The following SOX6 variants were observed in gnomAD, a reference collection of about 807,000 sequenced individuals.
SOX6 encodes transcription factor SOX-6.
SOX6 carries 11 observed loss-of-function variants against 97.8 expected under a neutral mutation model. That is an observed-to-expected ratio of 0.11 (90% CI 0.07 to 0.19). The LOEUF is 0.19. SOX6 is among the 10% of genes least tolerant of loss of function. The pLI is 1.00. For synonymous variants in SOX6, 360 were observed against 371.4 expected, an observed-to-expected ratio of 0.97 and a Z score of 0.35; for missense variants, 810 against 1,039.5, an observed-to-expected ratio of 0.78 and a Z score of 3.04.
intron 4 of SOX6, among the ~76,000 whole-genome samples, chr11:16,207,428 C>A (rs553867579): frequency 6.6e-6 from 1 of 151,678 alleles, no homozygotes; most frequent in Non-Finnish European, 1.5e-5. Context: ...CGGTGAAACC[C>A]CATCAAAATA....
chr11:16,364,267 T>C (rs1857287733), intron 1 of SOX6, among the ~76,000 whole-genome samples: 1 of 152,242 alleles, frequency 6.6e-6, no homozygotes, highest in Non-Finnish European at 1.5e-5. Flanking sequence ...AACATTCTTT[T>C]ACCAGAAAAA....
At chr11:16,268,338 G>T (rs1854144729) in intron 3 of SOX6, among the ~76,000 whole-genome samples, 1 of 151,072 alleles carries the variant, frequency 6.6e-6, no homozygotes, top group Non-Finnish European at 1.5e-5. Context: ...ACATTAAAAA[G>T]TTAGAGATAG....
At chr11:16,566,082 C>G (rs183630399) in intron 4 of SOX6, among the ~76,000 whole-genome samples, 2 of 135,438 alleles carry the variant, frequency 1.5e-5, no homozygotes, top group Non-Finnish European at 3.0e-5. Flanking sequence ...GGTGACAGAG[C>G]GAGACTCCGT....
intron 3 of SOX6, among the ~76,000 whole-genome samples, chr11:16,246,805 T>G (rs1853348781): frequency 6.6e-6 from 1 of 152,124 alleles, no homozygotes; most frequent in Admixed American, 6.6e-5. Flanking sequence ...TTGTATATAT[T>G]TACAGGTACA....
intron 6 of SOX6, among the ~76,000 whole-genome samples, chr11:16,157,084 C>T (rs1364768755): frequency 2.6e-5 from 4 of 151,918 alleles, no homozygotes; most frequent in Admixed American, 6.6e-5. Context: ...AACTGTCAAC[C>T]AATGCAGAAA....
chr11:16,031,334 T>C (rs1855367160), intron 12 of SOX6: 1 of 152,248 alleles, frequency 6.6e-6, no homozygotes, highest in Non-Finnish European at 1.5e-5. Context: ...TTTCTGAAGC[T>C]ATTCAAATCC....
chr11:16,343,053 C>G (rs777541129), intron 1 of SOX6, among the ~76,000 whole-genome samples: 9 of 151,584 alleles, frequency 5.9e-5, no homozygotes, highest in Non-Finnish European at 1.3e-4. Flanking sequence ...TCAATAATAA[C>G]AAATGGACAA....
intron 5 of SOX6, among the ~76,000 whole-genome samples, chr11:16,186,101 C>T (rs1311758524): frequency 6.6e-6 from 1 of 152,104 alleles, no homozygotes; most frequent in Admixed American, 6.6e-5. Context: ...TTTTAAAAGA[C>T]ATACATTTAA....
intron 11 of SOX6, 32 bp from the exon 12 acceptor site, chr11:16,046,733 G>C (rs762343967): frequency 1.2e-6 from 2 of 1,604,218 alleles, no homozygotes; most frequent in East Asian, 2.2e-5. Context: ...TTAGATGCTT[G>C]TGAGGTCAGA....
chr11:16,523,940 T>G (rs1861113654), intron 4 of SOX6, among the ~76,000 whole-genome samples: 2 of 152,116 alleles, frequency 1.3e-5, no homozygotes. Context: ...CAGGAAGAAG[T>G]TGAATCTTTG....
intron 3 of SOX6, among the ~76,000 whole-genome samples, chr11:16,257,321 T>C (rs1853723522): frequency 6.6e-6 from 1 of 151,742 alleles, no homozygotes; most frequent in Non-Finnish European, 1.5e-5. Flanking sequence ...AATATAAAGC[T>C]ACAATAATCA....
chr11:16,436,174 T>G (rs1859372558), intron 1 of SOX6, among the ~76,000 whole-genome samples: 1 of 152,314 alleles, frequency 6.6e-6, no homozygotes, highest in Non-Finnish European at 1.5e-5. Flanking sequence ...AAACCATGTT[T>G]CTGCACATGT....
At chr11:16,340,827 C>T (rs1299733710) in intron 2 of SOX6, among the ~76,000 whole-genome samples, 185 bp downstream of exon 2, 2 of 151,972 alleles carry the variant, frequency 1.3e-5, no homozygotes, top group African/African-American at 4.8e-5. Flanking sequence ...CGTATATACA[C>T]TAAATCACAA....
intron 12 of SOX6, among the ~76,000 whole-genome samples, chr11:16,030,295 T>C (rs1303891896): frequency 2.0e-5 from 3 of 152,228 alleles, no homozygotes; most frequent in East Asian, 1.9e-4. Flanking sequence ...AAGATTAATA[T>C]GTTTGAAGCA....
At position 16,312,727 on chromosome 11, in the gene SOX6, A is replaced by C. The variant is rs1319135308; in HGVS notation, c.445+5719T>G. On this transcript the variant is annotated intron_variant, in intron 3 of 15. Coordinates refer to ENST00000683767, the MANE Select transcript of SOX6 (RefSeq NM_001367873.1). ...AAGGACTCTCTGATTAAATATATGTATTTAGATATAGAAGTCCTTTTTAAA... is the reference window on the plus strand; with the variant it reads ...AAGGACTCTCTGATTAAATATATGTCTTTAGATATAGAAGTCCTTTTTAAA... The C allele has an allele frequency of 7.2e-5, 11 of 152,190 alleles. 1 individual carries two copies. Among genetic ancestry groups the C allele is most frequent in the African/African-American group, 2.7e-4 (11 of 41,454 alleles). 9.4% of individuals were successfully genotyped at this position (152,190 alleles called of 1,614,324 possible).
At chr11:16,378,549 A>C (rs1237943106) in intron 1 of SOX6, among the ~76,000 whole-genome samples, 1 of 152,106 alleles carries the variant, frequency 6.6e-6, no homozygotes, top group Non-Finnish European at 1.5e-5. Context: ...TAAAAGATGA[A>C]TGATATGACT....
chr11:16,123,940 A>G (rs1331022117), intron 6 of SOX6, among the ~76,000 whole-genome samples: 1 of 152,016 alleles, frequency 6.6e-6, no homozygotes, highest in Non-Finnish European at 1.5e-5. Context: ...TTTGCCTACT[A>G]CATTGTACCA....
chr11:16,196,206 T>G (rs1002340062), intron 4 of SOX6, among the ~76,000 whole-genome samples: 1 of 152,216 alleles, frequency 6.6e-6, no homozygotes, highest in Non-Finnish European at 1.5e-5. Context: ...TAGGTCATAT[T>G]GTTACCTCCA....
intron 4 of SOX6, among the ~76,000 whole-genome samples, chr11:16,527,172 G>GA (rs141522181): frequency 0.024 from 3,657 of 149,994 alleles, 153 homozygotes; most frequent in African/African-American, 0.083. Flanking sequence ...ACTGAAGAGG[G>GA]AAAAAAAAAT....
Sources: allele counts gnomAD v4.1 joint callset (sites outside exome capture counted in the v4.1 genomes callset), GRCh38; gene constraint gnomAD v4.1.1; transcripts MANE v1.5; gene names NCBI Gene and HGNC (gene_info 2026-07-23, HGNC 2026-07-21).